Variants in GRM8 observed in about 807,000 individuals in gnomAD.
GRM8 encodes the protein metabotropic glutamate receptor 8.
Under a neutral mutation model 87.2 loss-of-function variants are expected in GRM8, and 47 were observed. That is an observed-to-expected ratio of 0.54 (90% CI 0.43 to 0.69). The LOEUF is 0.69. Ranked by LOEUF, GRM8 falls within the 30% of genes least tolerant of loss-of-function variation. The probability of loss-of-function intolerance (pLI) is 0.00; values close to 1 mark genes in which losing one functional copy is unlikely to be tolerated. For synonymous variants in GRM8, 396 were observed against 404.5 expected, an observed-to-expected ratio of 0.98 and a Z score of 0.25; for missense variants, 1,019 against 1,139.2, an observed-to-expected ratio of 0.89 and a Z score of 1.52.
chr7:127,004,607 G>A lies in GRM8; in HGVS notation c.728-99924C>T, dbSNP rs185351892. Among the ~76,000 whole-genome samples, 721 of 151,646 alleles carry A rather than the reference G, an allele frequency of 4.8e-3. 3 individuals carry two copies. Among genetic ancestry groups the A allele is most frequent in the Non-Finnish European group, 7.4e-3 (500 of 67,626 alleles). ...TGGAAAAATTTATAAATGATCATCT[G>A]TAAGAAAGTGCTTTAGTGAAATTGT... On this transcript the variant is annotated intron_variant, in intron 3 of 10. Transcript: ENST00000339582.
chr7:127,166,828 T>A (rs17865987), intron 2 of GRM8, among the ~76,000 whole-genome samples: 1 of 152,088 alleles, frequency 6.6e-6, no homozygotes, highest in Non-Finnish European at 1.5e-5. Context: ...TTTTAAAGGA[T>A]CTGAATATTT....
chr7:127,015,228 AG>A lies in GRM8; in HGVS notation c.727+91267del, dbSNP rs1340383887. 5.6e-4 allele frequency among the ~76,000 whole-genome samples: 78 copies of A among 139,042 alleles called. 2 individuals carry two copies. Among genetic ancestry groups the A allele is most frequent in the Middle Eastern group, 3.5e-3 (1 of 282 alleles). 91.2% of individuals were successfully genotyped at this position (139,042 alleles called of 152,430 possible). ...AAGAAGAAGAAGAAGAAGAAGAAGA[AG>A]AAGAAGAAGAAGAAGAAGAAGAAGA... is the stretch of plus-strand genomic sequence containing the variant. On this transcript the variant is annotated intron_variant, in intron 3 of 10. Coordinates refer to ENST00000339582, the MANE Select transcript of GRM8 (RefSeq NM_000845.3).
chr7:126,977,303 G>T (rs1333692701), intron 3 of GRM8, among the ~76,000 whole-genome samples: 1 of 152,148 alleles, frequency 6.6e-6, no homozygotes, highest in Non-Finnish European at 1.5e-5. Context: ...CATTTGATAT[G>T]GCAAAGCAAC....
At chr7:126,505,061 G>C (rs1810236953) in intron 9 of GRM8, among the ~76,000 whole-genome samples, 2 of 151,996 alleles carry the variant, frequency 1.3e-5, no homozygotes, top group Non-Finnish European at 2.9e-5. Flanking sequence ...GTTCAAAGTG[G>C]AATAGTGAAC....
Position 126,477,579 on chromosome 7 carries a change from GAGAGAAAGAAAGAA to G in GRM8, c.2431-31221_2431-31208del, listed in dbSNP as rs1806100275. 3.7e-3 allele frequency among the ~76,000 whole-genome samples: 299 copies of G among 81,578 alleles called. 1 individual carries two copies. The highest frequency in any genetic ancestry group is 0.011 in the African/African-American group (273 of 24,660). 53.5% of individuals were successfully genotyped at this position (81,578 alleles called of 152,430 possible). A position where few individuals can be genotyped will look rare whatever the true frequency, so the allele number is the denominator to read the frequency against. On this transcript the variant is annotated intron_variant, in intron 9 of 10. Coordinates refer to ENST00000339582, the MANE Select transcript of GRM8 (RefSeq NM_000845.3). ...GAAGTAAGAGAAAGAAAGAAAGAAA[GAGAGAAAGAAAGAA>G]AGAAAGAAAGAAAGAAAGAAAGAAA...
At chr7:126,707,503 T>C (rs937288903) in intron 7 of GRM8, among the ~76,000 whole-genome samples, 3 of 152,130 alleles carry the variant, frequency 2.0e-5, no homozygotes, top group African/African-American at 4.8e-5. Context: ...CTTTCTTTTC[T>C]TCATCAGATT....
Position 126,695,623 on chromosome 7 carries a change from G to T in GRM8, c.1357+74242C>A, listed in dbSNP as rs181972021. Among the ~76,000 whole-genome samples, 77 of 152,254 alleles carry T rather than the reference G, an allele frequency of 5.1e-4. 1 individual carries two copies. Among genetic ancestry groups the T allele is most frequent in the Non-Finnish European group, 1.5e-4 (10 of 68,010 alleles). On this transcript the variant is annotated intron_variant, in intron 7 of 10. Coordinates refer to ENST00000339582, the MANE Select transcript of GRM8 (RefSeq NM_000845.3). Reference sequence around the variant, plus strand: ...AAGTATTTCAGCAAAGGTCTTAATTGGTCAGTGACAATTAAGTAAAATGAA... The same window carrying T: ...AAGTATTTCAGCAAAGGTCTTAATTTGTCAGTGACAATTAAGTAAAATGAA...
At chr7:126,682,954 C>CA (rs2151337295) in intron 7 of GRM8, among the ~76,000 whole-genome samples, 1 of 152,228 alleles carries the variant, frequency 6.6e-6, no homozygotes, top group East Asian at 1.9e-4. Context: ...GAGGCTGAGG[C>CA]AGGAGAATCG....
chr7:126,909,652 T>C (rs1803087289), intron 3 of GRM8, among the ~76,000 whole-genome samples: 1 of 152,226 alleles, frequency 6.6e-6, no homozygotes, highest in Non-Finnish European at 1.5e-5. Context: ...TTTTTCCTTC[T>C]GGTTACTTAA....
chr7:126,846,025 G>A (rs1160312702), intron 6 of GRM8, among the ~76,000 whole-genome samples: 1 of 151,780 alleles, frequency 6.6e-6, no homozygotes. Flanking sequence ...TATATTTCCA[G>A]CAATATAAAA....
At chr7:126,613,210 C>A (rs1179736952) in intron 7 of GRM8, among the ~76,000 whole-genome samples, 1 of 152,152 alleles carries the variant, frequency 6.6e-6, no homozygotes, top group East Asian at 1.9e-4. Flanking sequence ...ATAATTCCTA[C>A]AAGTTTGCCA....
intron 9 of GRM8, among the ~76,000 whole-genome samples, chr7:126,469,997 A>C (rs1804972889): frequency 1.3e-5 from 2 of 152,124 alleles, no homozygotes; most frequent in Non-Finnish European, 2.9e-5. Context: ...TGCTGACAGT[A>C]ATATCAACAA....
At chr7:127,161,762 C>T (rs1427613430) in intron 2 of GRM8, among the ~76,000 whole-genome samples, 1 of 151,568 alleles carries the variant, frequency 6.6e-6, no homozygotes, top group East Asian at 1.9e-4. Flanking sequence ...CAAAGGGTAC[C>T]CTAGAACTTA....
chr7:126,776,886 C>T (rs1015011501), intron 6 of GRM8, among the ~76,000 whole-genome samples: 1 of 152,170 alleles, frequency 6.6e-6, no homozygotes, highest in African/African-American at 2.4e-5. Flanking sequence ...TAACTGCTTC[C>T]TCCTTATACT....
At chr7:127,171,239 T>G (rs763155643) in intron 2 of GRM8, among the ~76,000 whole-genome samples, 1 of 152,200 alleles carries the variant, frequency 6.6e-6, no homozygotes, top group South Asian at 2.1e-4. Flanking sequence ...TTCTTATGGA[T>G]GAGCAAAGAA....
chr7:126,860,784 G>A (rs1168326575), intron 6 of GRM8, among the ~76,000 whole-genome samples: 1 of 151,976 alleles, frequency 6.6e-6, no homozygotes, highest in African/African-American at 2.4e-5. Flanking sequence ...TGTGACTATT[G>A]GAAAAATACT....
intron 10 of GRM8, among the ~76,000 whole-genome samples, chr7:126,443,087 T>C (rs1000940329): frequency 2.0e-5 from 3 of 152,030 alleles, no homozygotes; most frequent in Admixed American, 6.6e-5. Flanking sequence ...TTAATTTCCT[T>C]GTGTGCATCA....
At chr7:126,631,600 A>G (rs148277344) in intron 7 of GRM8, among the ~76,000 whole-genome samples, 1 of 151,756 alleles carries the variant, frequency 6.6e-6, no homozygotes, top group Non-Finnish European at 1.5e-5. Context: ...AAAAGGAACA[A>G]ACCTGGAGGC....
intron 6 of GRM8, among the ~76,000 whole-genome samples, chr7:126,775,560 T>C (rs1016308556): frequency 3.6e-5 from 5 of 140,416 alleles, no homozygotes; most frequent in African/African-American, 1.4e-4. Context: ...GAACATAAGG[T>C]AGAAATACAA....
Sources: gnomAD v4.1 joint callset for allele counts (sites outside exome capture counted in the v4.1 genomes callset) on GRCh38, gnomAD v4.1.1 for gene constraint, MANE v1.5 for transcripts, NCBI Gene and HGNC (gene_info 2026-07-23, HGNC 2026-07-21) for gene names.